GATAD2B: variants seen among roughly 807,000 people sequenced by gnomAD.
GATAD2B encodes the protein transcriptional repressor p66-beta.
A neutral mutation model predicts 64.3 loss-of-function variants in GATAD2B; 8 were observed. That is an observed-to-expected ratio of 0.12 (90% CI 0.07 to 0.22). The LOEUF (loss-of-function observed/expected upper bound fraction) is 0.22. Ranked by LOEUF, GATAD2B falls within the 10% of genes least tolerant of loss-of-function variation. The pLI, the probability that GATAD2B is intolerant of heterozygous loss-of-function variation, is 1.00. For missense variants in GATAD2B, 453 were observed against 752.0 expected, an observed-to-expected ratio of 0.60 and a Z score of 4.65; for synonymous variants, 281 against 271.3, an observed-to-expected ratio of 1.04 and a Z score of -0.35.
At chr1:153,904,051 C>T (rs1009387907) in intron 1 of GATAD2B, among the ~76,000 whole-genome samples, 1 of 152,046 alleles carries the variant, frequency 6.6e-6, no homozygotes. Context: ...GAAGGTAAGG[C>T]GGGTGGATCA....
chr1:153,911,753 CA>C (rs71584153), intron 1 of GATAD2B, among the ~76,000 whole-genome samples: 1 of 151,328 alleles, frequency 6.6e-6, no homozygotes, highest in African/African-American at 2.4e-5. Flanking sequence ...AAACAAAAAA[CA>C]AAAAAAACAA....
intron 1 of GATAD2B, among the ~76,000 whole-genome samples, chr1:153,858,742 AGAG>A (rs1676172150): frequency 6.6e-6 from 1 of 152,202 alleles, no homozygotes; most frequent in African/African-American, 2.4e-5. Context: ...AAAAAAGAAA[AGAG>A]AAACAATCAA....
chr1:153,863,015 C>A (rs956098319), intron 1 of GATAD2B, among the ~76,000 whole-genome samples: 2 of 152,082 alleles, frequency 1.3e-5, no homozygotes, highest in East Asian at 1.9e-4. Flanking sequence ...TGAGGCACTG[C>A]GCCTGGCATA....
Position 153,914,931 on chromosome 1 carries a change from G to GA in GATAD2B, c.-2+7801dup, listed in dbSNP as rs934115740. On this transcript the variant is annotated intron_variant, in intron 1 of 10. Coordinates refer to ENST00000368655, the MANE Select transcript of GATAD2B (RefSeq NM_020699.4). The stretch of plus-strand genomic sequence containing the variant: ...AACAGAGCAAGGCTGTGTTTCAAAA[G>GA]AAAAAAAAAAGGCCAGGAGCAGTGG... Among the ~76,000 whole-genome samples, 607 of 144,476 alleles carry GA rather than the reference G, an allele frequency of 4.2e-3. 4 individuals are homozygous for GA. The highest frequency in any genetic ancestry group is 0.013 in the African/African-American group (518 of 39,502). The allele number at this position is 144,476 out of a possible 152,430, so 94.8% of individuals were successfully genotyped here. A position where few individuals can be genotyped will look rare whatever the true frequency, so the allele number is the denominator to read the frequency against.
At chr1:153,833,871 G>A (rs1025324539) in intron 1 of GATAD2B, among the ~76,000 whole-genome samples, 2 of 151,828 alleles carry the variant, frequency 1.3e-5, no homozygotes, top group Non-Finnish European at 2.9e-5. Flanking sequence ...CAAGCATGGT[G>A]GCTCACAAAA....
At chr1:153,842,739 G>A (rs1228680208) in intron 1 of GATAD2B, among the ~76,000 whole-genome samples, 2 of 150,644 alleles carry the variant, frequency 1.3e-5, no homozygotes, top group Admixed American at 6.6e-5. Context: ...TGCAGCCTCC[G>A]CCTCCCGGGT....
At chr1:153,812,384 G>A (rs1674321743) in intron 8 of GATAD2B, 2 of 409,140 alleles carry the variant, frequency 4.9e-6, no homozygotes, top group Non-Finnish European at 4.3e-6. Context: ...TAATGTTGTT[G>A]GCTAGTTGGT....
intron 2 of GATAD2B, among the ~76,000 whole-genome samples, chr1:153,823,725 TG>T (rs1406163292): frequency 2.6e-5 from 4 of 151,410 alleles, no homozygotes; most frequent in African/African-American, 9.7e-5. Flanking sequence ...TTTTTTTTTT[TG>T]TTTTTTTGTT....
chr1:153,831,237 A>C (rs549879711), intron 1 of GATAD2B, among the ~76,000 whole-genome samples: 1 of 152,370 alleles, frequency 6.6e-6, no homozygotes, highest in African/African-American at 2.4e-5. Flanking sequence ...ACAAAGGAAC[A>C]GAAAACCAAA....
chr1:153,871,034 G>A (rs1676649722), intron 1 of GATAD2B, among the ~76,000 whole-genome samples: 1 of 151,190 alleles, frequency 6.6e-6, no homozygotes, highest in Non-Finnish European at 1.5e-5. Context: ...GAGTAGCTGG[G>A]ATTACAGATG....
intron 7 of GATAD2B, among the ~76,000 whole-genome samples, chr1:153,814,656 T>C (rs543819841): frequency 1.7e-4 from 26 of 152,062 alleles, no homozygotes; most frequent in African/African-American, 6.3e-4. Context: ...CATCTGTAAT[T>C]CCAGCTACTT....
At chr1:153,914,144 GAC>G (rs1479336374) in intron 1 of GATAD2B, among the ~76,000 whole-genome samples, 1 of 144,956 alleles carries the variant, frequency 6.9e-6, no homozygotes, top group Admixed American at 7.3e-5. Flanking sequence ...TGGGGAGGCT[GAC>G]ACAGGAGAAT....
At chr1:153,880,640 G>GA (rs1381790811) in intron 1 of GATAD2B, among the ~76,000 whole-genome samples, 1 of 151,630 alleles carries the variant, frequency 6.6e-6, no homozygotes, top group Non-Finnish European at 1.5e-5. Flanking sequence ...AGAAAGAAGA[G>GA]ACCCACCAGC....
At chr1:153,846,345 G>C (rs1675688205) in intron 1 of GATAD2B, among the ~76,000 whole-genome samples, 1 of 151,810 alleles carries the variant, frequency 6.6e-6, no homozygotes, top group Non-Finnish European at 1.5e-5. Flanking sequence ...TGATTCTTCT[G>C]CCTCAGCCTC....
At chr1:153,895,553 C>T (rs967710152) in intron 1 of GATAD2B, among the ~76,000 whole-genome samples, 1 of 151,404 alleles carries the variant, frequency 6.6e-6, no homozygotes, top group African/African-American at 2.4e-5. Context: ...GCACTCTAGC[C>T]TGGGCAACAG....
At chr1:153,843,905 A>G (rs1344173430) in intron 1 of GATAD2B, among the ~76,000 whole-genome samples, 2 of 152,014 alleles carry the variant, frequency 1.3e-5, no homozygotes, top group African/African-American at 4.8e-5. Flanking sequence ...GTGATCCCAG[A>G]GTGACAAGAA....
intron 2 of GATAD2B, 35 bp downstream of exon 2, chr1:153,827,978 A>T (rs1674941485): frequency 6.7e-7 from 1 of 1,499,752 alleles, no homozygotes; most frequent in South Asian, 1.1e-5. Flanking sequence ...TTATGAGACG[A>T]CCCTATCCCT....
At chr1:153,817,886 G>A (rs1674535529) in intron 5 of GATAD2B, among the ~76,000 whole-genome samples, 154 bp downstream of exon 5, 1 of 152,160 alleles carries the variant, frequency 6.6e-6, no homozygotes, top group Non-Finnish European at 1.5e-5. Flanking sequence ...TTCTACTGAA[G>A]ACTAAATCAT....
chr1:153,850,908 A>C (rs1025782139), intron 1 of GATAD2B, among the ~76,000 whole-genome samples: 1 of 151,800 alleles, frequency 6.6e-6, no homozygotes, highest in Non-Finnish European at 1.5e-5. Flanking sequence ...GTGACAGAGC[A>C]AGACTCCACC....
Sources: allele counts gnomAD v4.1 joint callset (sites outside exome capture counted in the v4.1 genomes callset), GRCh38; gene constraint gnomAD v4.1.1; transcripts MANE v1.5; gene names NCBI Gene and HGNC (gene_info 2026-07-23, HGNC 2026-07-21).